The following MRPL42 variants were observed in gnomAD, a reference collection of about 807,000 sequenced individuals.
MRPL42 encodes mitochondrial ribosomal protein L42.
A neutral mutation model predicts 17.9 loss-of-function variants in MRPL42; 17 were observed. The ratio of observed to expected loss-of-function variants is 0.95; its 90% CI spans 0.65 to 1.42. The LOEUF is 1.42. Among genes scored for constraint, MRPL42 ranks in the 40% most tolerant of loss-of-function variants. The pLI, the probability that MRPL42 is intolerant of heterozygous loss-of-function variation, is 0.00. For synonymous variants in MRPL42, 59 were observed against 54.4 expected (o/e 1.08, Z -0.37); for missense variants, 177 against 175.2 (o/e 1.01, Z -0.06).
intron 4 of MRPL42, among the ~76,000 whole-genome samples, chr12:93,481,628 T>C (rs968781856): frequency 6.6e-6 from 1 of 152,162 alleles, no homozygotes; most frequent in Non-Finnish European, 1.5e-5. Context: ...ATGTAGGTGA[T>C]CTAATACCAT....
At position 93,470,490 on chromosome 12, in the gene MRPL42, G is replaced by T. The variant is rs534558538; in HGVS notation, c.70+1135G>T. 2.0e-5 allele frequency: 26 copies of T among 1,277,362 alleles called. No homozygotes were observed. In the East Asian group the frequency reaches 1.4e-3, roughly 69 times the overall value. The allele number at this position is 1,277,362 out of a possible 1,614,324, so 79.1% of individuals were successfully genotyped here. ...TATTTTTATTTTTTATTTTAGATTC[G>T]GGCGTACATGTGCAGGTTTGTTACG... On this transcript the variant is annotated intron_variant, in intron 2 of 5. Coordinates refer to ENST00000549982, the MANE Select transcript of MRPL42 (RefSeq NM_014050.4).
chr12:93,509,154 C>T lies in MRPL42; in HGVS notation c.*7933C>T, dbSNP rs1040953496. ...AGTGGGCCAAGATCACACCACTGCA[C>T]TCCAGTCTGGGTGATAAAACGAGAT... On this transcript the variant is annotated 3_prime_UTR_variant, in exon 6 of 6. Coordinates refer to ENST00000549982, the MANE Select transcript of MRPL42 (RefSeq NM_014050.4). 6.7e-6 allele frequency: 1 copy of T among 149,478 alleles called. No homozygotes were observed. The highest frequency in any genetic ancestry group is 1.5e-5 in the Non-Finnish European group (1 of 67,684). 9.3% of individuals were successfully genotyped at this position (149,478 alleles called of 1,614,324 possible).
chr12:93,468,061 G>A (rs1879723961), intron 1 of MRPL42, among the ~76,000 whole-genome samples: 1 of 152,170 alleles, frequency 6.6e-6, no homozygotes, highest in Non-Finnish European at 1.5e-5. Flanking sequence ...ATTAAGCAGC[G>A]ATATACTGAG....
intron 2 of MRPL42, among the ~76,000 whole-genome samples, chr12:93,474,280 T>C (rs1880056092): frequency 6.6e-6 from 1 of 151,964 alleles, no homozygotes; most frequent in South Asian, 2.1e-4. Context: ...TTTTTTAATT[T>C]ATATTTTTTA....
chr12:93,500,169 A>G (rs772759655), intron 5 of MRPL42, among the ~76,000 whole-genome samples: 1 of 152,184 alleles, frequency 6.6e-6, no homozygotes, highest in Non-Finnish European at 1.5e-5. Flanking sequence ...CTATTTTTAC[A>G]TGGTTATCAT....
chr12:93,490,741 T>G (rs1212281382), intron 5 of MRPL42, among the ~76,000 whole-genome samples: 1 of 152,178 alleles, frequency 6.6e-6, no homozygotes, highest in Non-Finnish European at 1.5e-5. Flanking sequence ...TCATTTAATA[T>G]ATAGAAGGAT....
intron 4 of MRPL42, among the ~76,000 whole-genome samples, chr12:93,481,481 C>CT (rs1394759079): frequency 6.6e-6 from 1 of 152,184 alleles, no homozygotes; most frequent in African/African-American, 2.4e-5. Flanking sequence ...CATTTACTAT[C>CT]TTTTTTTGTT....
intron 3 of MRPL42, among the ~76,000 whole-genome samples, chr12:93,478,721 T>C (rs1880306893): frequency 6.6e-6 from 1 of 152,202 alleles, no homozygotes; most frequent in South Asian, 2.1e-4. Flanking sequence ...AGCCATGTTA[T>C]GGTATTCAAT....
intron 2 of MRPL42, among the ~76,000 whole-genome samples, chr12:93,476,398 A>G (rs1308407838): frequency 2.0e-5 from 3 of 152,074 alleles, no homozygotes; most frequent in Admixed American, 2.0e-4. Flanking sequence ...GAACTCCTTG[A>G]CCTCAGGTGA....
At chr12:93,480,678 A>G in intron 4 of MRPL42, among the ~76,000 whole-genome samples, 1 of 151,382 alleles carries the variant, frequency 6.6e-6, no homozygotes, top group East Asian at 2.0e-4. Context: ...AGTAGCTGGG[A>G]CTACAGGCGT....
rs58440444 is a variant in MRPL42, at chr12:93,506,260, CTT to C, written c.*5060_*5061del. 7.5e-3 allele frequency: 659 copies of C among 87,778 alleles called. 5 individuals are homozygous for C. Among genetic ancestry groups the C allele is most frequent in the African/African-American group, 0.019 (343 of 17,678 alleles). 5.4% of individuals were successfully genotyped at this position (87,778 alleles called of 1,614,324 possible). On this transcript the variant is annotated 3_prime_UTR_variant, in exon 6 of 6. Coordinates refer to ENST00000549982, the MANE Select transcript of MRPL42 (RefSeq NM_014050.4). The stretch of plus-strand genomic sequence containing the variant: ...AGTCTTCAATTCAGCAAGAATGTCT[CTT>C]TTTTTTTTTTTTTTTTTTTTGGGAC...
rs1953725906 is a variant in MRPL42, at chr12:93,511,590, A to G, written c.*10369A>G. On this transcript the variant is annotated 3_prime_UTR_variant, in exon 6 of 6. Transcript: ENST00000549982. The stretch of plus-strand genomic sequence containing the variant: ...AACCCATAGAACAAAGAAAGCTAAT[A>G]AATTACCTTTTCTTGCAATTGGTTT... The G allele has an allele frequency of 6.6e-6, 1 of 152,214 alleles. No homozygotes were observed. The highest frequency in any genetic ancestry group is 1.5e-5 in the Non-Finnish European group (1 of 68,016). 9.4% of individuals were successfully genotyped at this position (152,214 alleles called of 1,614,324 possible).
chr12:93,479,266 G>C, intron 3 of MRPL42, 122 bp from the exon 4 acceptor site: 1 of 447,900 alleles, frequency 2.2e-6, no homozygotes, highest in Non-Finnish European at 3.8e-6. Context: ...CTTTAGGCTG[G>C]AGTGCCCACT....
chr12:93,500,700 A>G (rs2121278932), intron 5 of MRPL42: 1 of 152,610 alleles, frequency 6.6e-6, no homozygotes, highest in South Asian at 2.1e-4. Context: ...TACTAAGACA[A>G]AAAACCATTA....
rs1953719107 is a variant in MRPL42 at position 93,510,815 on chromosome 12, A to G, written c.*9594A>G. ...TAATATTTCTTTAAATATTTTGGATAAATCTTTTGTCAGATATATGCACTG... is the reference window on the plus strand; with the variant it reads ...TAATATTTCTTTAAATATTTTGGATGAATCTTTTGTCAGATATATGCACTG... On this transcript the variant is annotated 3_prime_UTR_variant, in exon 6 of 6. Transcript: ENST00000549982. 6.6e-6 allele frequency: 1 copy of G among 152,218 alleles called. No individual in the cohort carries two copies. Among genetic ancestry groups the G allele is most frequent in the Non-Finnish European group, 1.5e-5 (1 of 68,048 alleles). The allele number at this position is 152,218 out of a possible 1,614,324, so 9.4% of individuals were successfully genotyped here.
chr12:93,476,915 A>G, intron 2 of MRPL42, 39 bp from the exon 3 acceptor site: 1 of 1,550,216 alleles, frequency 6.5e-7, no homozygotes. Context: ...AATATGCTCA[A>G]ATTAACCAAA....
At chr12:93,487,348 T>C in intron 4 of MRPL42, 149 bp from the exon 5 acceptor site, 1 of 614,318 alleles carries the variant, frequency 1.6e-6, no homozygotes, top group Non-Finnish European at 2.7e-6. Context: ...AATAATGCAC[T>C]AAGTGAAACT....
Position 93,510,947 on chromosome 12 carries a change from G to A in MRPL42, c.*9726G>A, listed in dbSNP as rs1316823386. On this transcript the variant is annotated 3_prime_UTR_variant, in exon 6 of 6. Transcript: ENST00000549982. ...TCGATGTGAAGGTTTGGGGTAATTT[G>A]TTTCATTTATCTTTAACACCATGTT... is the stretch of plus-strand genomic sequence containing the variant. 6.6e-6 allele frequency: 1 copy of A among 152,092 alleles called. No homozygotes were observed. The highest frequency in any genetic ancestry group is 1.5e-5 in the Non-Finnish European group (1 of 68,012). 9.4% of individuals were successfully genotyped at this position (152,092 alleles called of 1,614,324 possible).
rs1953757091 is a variant in MRPL42, at chr12:93,514,261, CA to C, written c.*13041del. On this transcript the variant is annotated 3_prime_UTR_variant, in exon 6 of 6. Transcript: ENST00000549982. ...GGACCTAACTCCAATAATGATTGGACAGTTTTCTCCCTCTGCTTTTTCTTTC... is the reference window on the plus strand; with the variant it reads ...GGACCTAACTCCAATAATGATTGGACGTTTTCTCCCTCTGCTTTTTCTTTC... 2 of 151,174 alleles carry C rather than the reference CA, an allele frequency of 1.3e-5. No individual in the cohort carries two copies. The highest frequency in any genetic ancestry group is 2.9e-5 in the Non-Finnish European group (2 of 67,880). The allele number at this position is 151,174 out of a possible 1,614,324, so 9.4% of individuals were successfully genotyped here.
Sources: allele counts gnomAD v4.1 joint callset (sites outside exome capture counted in the v4.1 genomes callset), GRCh38; gene constraint gnomAD v4.1.1; transcripts MANE v1.5; gene names NCBI Gene and HGNC (gene_info 2026-07-23, HGNC 2026-07-21).